DPP10: variants seen among roughly 807,000 people sequenced by gnomAD.
The protein encoded by DPP10 is dipeptidyl peptidase like 10, also known as inactive dipeptidyl peptidase 10.
A neutral mutation model predicts 120.9 loss-of-function variants in DPP10; 33 were observed. The ratio of observed to expected loss-of-function variants is 0.27; its 90% CI spans 0.21 to 0.37. DPP10 has a LOEUF of 0.37. DPP10 is among the 10% of genes least tolerant of loss of function. DPP10 has a pLI of 1.00. For synonymous variants in DPP10, 337 were observed against 326.1 expected (o/e 1.03, Z -0.36); for missense variants, 816 against 942.8 (o/e 0.87, Z 1.76).
intron 1 of DPP10, among the ~76,000 whole-genome samples, chr2:114,579,010 T>G (rs1422064759): frequency 6.6e-6 from 1 of 152,212 alleles, no homozygotes; most frequent in Non-Finnish European, 1.5e-5. Context: ...ACTCTCAAAT[T>G]TGGTCACCCC....
chr2:115,432,659 T>TGTGTGTGTGTG (rs2071104148), intron 3 of DPP10, among the ~76,000 whole-genome samples: 2 of 137,672 alleles, frequency 1.5e-5, no homozygotes, highest in African/African-American at 5.4e-5. Context: ...ATAGGCAATT[T>TGTGTGTGTGTG]TGTGTGTGTG....
At chr2:114,757,177 A>G (rs1308917012) in intron 1 of DPP10, among the ~76,000 whole-genome samples, 1 of 148,676 alleles carries the variant, frequency 6.7e-6, no homozygotes, top group Non-Finnish European at 1.5e-5. Flanking sequence ...GGGAGAAAAG[A>G]AGAAAGAGGG....
intron 1 of DPP10, among the ~76,000 whole-genome samples, chr2:114,860,863 C>G (rs913513506): frequency 3.9e-5 from 6 of 152,184 alleles, no homozygotes; most frequent in Admixed American, 6.5e-5. Flanking sequence ...TAAATCCTGT[C>G]CCTGAGCCAC....
At chr2:114,631,840 A>G (rs145834976) in intron 1 of DPP10, among the ~76,000 whole-genome samples, 1 of 152,192 alleles carries the variant, frequency 6.6e-6, no homozygotes, top group African/African-American at 2.4e-5. Flanking sequence ...CAAATGTTGC[A>G]CCAGTGTCTT....
At chr2:114,904,433 A>G (rs1558864780) in intron 1 of DPP10, among the ~76,000 whole-genome samples, 1 of 152,230 alleles carries the variant, frequency 6.6e-6, no homozygotes, top group African/African-American at 2.4e-5. Flanking sequence ...ATTTCTAGGC[A>G]AAGTGTCAAA....
At chr2:115,829,160 T>TTTA (rs1204059599) in intron 21 of DPP10, among the ~76,000 whole-genome samples, 6 of 152,154 alleles carry the variant, frequency 3.9e-5, no homozygotes, top group Non-Finnish European at 8.8e-5. Context: ...TAAATGAGTA[T>TTTA]TTATTATGTT....
chr2:115,690,018 T>C, intron 7 of DPP10, 97 bp downstream of exon 7: 3 of 1,225,388 alleles, frequency 2.4e-6, no homozygotes, highest in Non-Finnish European at 3.4e-6. Flanking sequence ...AAACTTGTCC[T>C]ACAAAACTTT....
At chr2:114,598,524 C>G (rs1692110173) in intron 1 of DPP10, among the ~76,000 whole-genome samples, 1 of 151,836 alleles carries the variant, frequency 6.6e-6, no homozygotes, top group South Asian at 2.1e-4. Context: ...CACTTAATAA[C>G]TGAATAAGCT....
chr2:115,740,471 T>C (rs190112929), intron 9 of DPP10, among the ~76,000 whole-genome samples: 3 of 151,946 alleles, frequency 2.0e-5, no homozygotes, highest in Non-Finnish European at 2.9e-5. Context: ...CCATAAAGAA[T>C]AGACTAAGCA....
intron 1 of DPP10, among the ~76,000 whole-genome samples, chr2:114,475,795 A>G (rs1006263846): frequency 6.6e-6 from 1 of 152,244 alleles, no homozygotes; most frequent in African/African-American, 2.4e-5. Context: ...ATAACAAAGT[A>G]GACAAGTGGA....
intron 1 of DPP10, among the ~76,000 whole-genome samples, chr2:115,027,922 G>A (rs556600602): frequency 2.6e-5 from 4 of 151,870 alleles, no homozygotes; most frequent in Non-Finnish European, 5.9e-5. Flanking sequence ...TGTCTCTAAC[G>A]ATTCTTTGTA....
intron 1 of DPP10, among the ~76,000 whole-genome samples, chr2:114,674,675 C>T (rs1698557615): frequency 6.6e-6 from 1 of 152,076 alleles, no homozygotes; most frequent in African/African-American, 2.4e-5. Flanking sequence ...TGGCTTTGCA[C>T]TGGAAAGATG....
rs569298097 is a variant in DPP10, at chr2:114,570,706, G to A, written c.60+127868G>A. Among the ~76,000 whole-genome samples the A allele has an allele frequency of 3.3e-4, 50 of 151,388 alleles. No individual in the cohort carries two copies. The Middle Eastern group carries it at 0.01, about 31-fold the overall frequency. ...AAATTAGCCGGGCGTGGTGGCGGGC[G>A]CCTGTAGTCCCAGCTACTCAGAAGG... On this transcript the variant is annotated intron_variant, in intron 1 of 25. Coordinates refer to ENST00000410059, the MANE Select transcript of DPP10 (RefSeq NM_020868.6).
At chr2:115,362,448 A>C (rs980003123) in intron 3 of DPP10, among the ~76,000 whole-genome samples, 1 of 152,212 alleles carries the variant, frequency 6.6e-6, no homozygotes, top group Non-Finnish European at 1.5e-5. Flanking sequence ...TTGAATCTAT[A>C]CTTTTTTTTA....
At chr2:115,383,131 A>T (rs1346892130) in intron 3 of DPP10, among the ~76,000 whole-genome samples, 2 of 152,224 alleles carry the variant, frequency 1.3e-5, no homozygotes, top group Non-Finnish European at 2.9e-5. Context: ...AGATTAAAGA[A>T]TCACACTGAA....
At chr2:115,745,764 G>A (rs894299203) in intron 9 of DPP10, among the ~76,000 whole-genome samples, 4 of 140,184 alleles carry the variant, frequency 2.9e-5, no homozygotes, top group African/African-American at 9.9e-5. Flanking sequence ...TAGTTTGTTT[G>A]TTTGTTTGTT....
intron 1 of DPP10, among the ~76,000 whole-genome samples, chr2:114,747,404 G>GAATATA (rs1678678503): frequency 6.6e-6 from 1 of 152,028 alleles, no homozygotes; most frequent in Admixed American, 6.6e-5. Context: ...CTATACTTTT[G>GAATATA]AATATAAATA....
intron 1 of DPP10, among the ~76,000 whole-genome samples, chr2:114,501,654 A>G (rs1683191888): frequency 1.3e-5 from 2 of 152,166 alleles, no homozygotes; most frequent in South Asian, 4.1e-4. Flanking sequence ...ATTGTACATT[A>G]CTACGCCCCA....
At chr2:114,824,796 G>C (rs1335605119) in intron 1 of DPP10, among the ~76,000 whole-genome samples, 1 of 152,088 alleles carries the variant, frequency 6.6e-6, no homozygotes, top group Non-Finnish European at 1.5e-5. Context: ...AATTCTAAAG[G>C]AATATCTAAA....
Sources: allele counts gnomAD v4.1 joint callset (sites outside exome capture counted in the v4.1 genomes callset), GRCh38; gene constraint gnomAD v4.1.1; transcripts MANE v1.5; gene names NCBI Gene and HGNC (gene_info 2026-07-23, HGNC 2026-07-21).